Variants in CACNA1D observed in about 807,000 individuals in gnomAD.
CACNA1D encodes the protein calcium voltage-gated channel subunit alpha1 D, also known as voltage-dependent L-type calcium channel subunit alpha-1D.
In CACNA1D, 55 loss-of-function variants were observed where a neutral mutation model predicts 257.1. The ratio of observed to expected loss-of-function variants is 0.21; its 90% CI spans 0.17 to 0.27. CACNA1D has a LOEUF of 0.27. Among genes scored for constraint, CACNA1D ranks in the 10% least tolerant of loss-of-function variants. The pLI is 1.00. For missense variants in CACNA1D, 1,876 were observed against 2,784.0 expected, an observed-to-expected ratio of 0.67 and a Z score of 7.34; for synonymous variants, 980 against 1,014.9, an observed-to-expected ratio of 0.97 and a Z score of 0.65.
In CACNA1D at chr3:53,721,539, T is replaced by C. The variant is rs576141593; in HGVS notation, c.1506-775T>C. Among the ~76,000 whole-genome samples the C allele has an allele frequency of 2.0e-5, 3 of 152,296 alleles. No individual in the cohort carries two copies. The East Asian group carries it at 5.8e-4, about 29-fold the overall frequency. ...GAAGGTTTTCTAGAAGGAGACAGGCTAAGGGAGAGAATATTTTCTCTAATC... is the reference window on the plus strand; with the variant it reads ...GAAGGTTTTCTAGAAGGAGACAGGCCAAGGGAGAGAATATTTTCTCTAATC... On this transcript the variant is annotated intron_variant, in intron 11 of 47. Coordinates refer to ENST00000350061, the MANE Select transcript of CACNA1D (RefSeq NM_001128840.3).
chr3:53,762,109 C>T (rs1345396177), intron 30 of CACNA1D, 28 bp downstream of exon 30: 2 of 1,386,344 alleles, frequency 1.4e-6, no homozygotes, highest in Non-Finnish European at 2.1e-6. Context: ...GTGGCCGCCA[C>T]CTGTGTCCTC....
chr3:53,643,151 G>A (rs545465256), intron 3 of CACNA1D, among the ~76,000 whole-genome samples: 2 of 152,294 alleles, frequency 1.3e-5, no homozygotes, highest in African/African-American at 2.4e-5. Flanking sequence ...CTTTTAAACC[G>A]AAGGTGAAGA....
At chr3:53,768,167 A>G (rs2095345599) in intron 30 of CACNA1D, among the ~76,000 whole-genome samples, 2 of 152,236 alleles carry the variant, frequency 1.3e-5, no homozygotes, top group African/African-American at 4.8e-5. Context: ...TTGAAGCAGA[A>G]TAGGGAGAGG....
chr3:53,620,807 G>A (rs2108033900), intron 3 of CACNA1D, among the ~76,000 whole-genome samples: 1 of 152,326 alleles, frequency 6.6e-6, no homozygotes, highest in Non-Finnish European at 1.5e-5. Flanking sequence ...CTATTTTGGG[G>A]TGACTTATGA....
chr3:53,752,140 A>C (rs987828651), intron 28 of CACNA1D, among the ~76,000 whole-genome samples: 1 of 152,226 alleles, frequency 6.6e-6, no homozygotes, highest in Non-Finnish European at 1.5e-5. Flanking sequence ...TAACATTTCC[A>C]TGGAGCCTGG....
intron 3 of CACNA1D, among the ~76,000 whole-genome samples, chr3:53,626,454 G>GGGCAAGA (rs886129172): frequency 4.6e-5 from 7 of 152,208 alleles, no homozygotes; most frequent in African/African-American, 1.4e-4. Context: ...AGGGCAAGAG[G>GGGCAAGA]GGAGAGAGGG....
intron 9 of CACNA1D, among the ~76,000 whole-genome samples, chr3:53,716,630 C>A (rs1264381334): frequency 6.7e-6 from 1 of 149,886 alleles, no homozygotes; most frequent in Non-Finnish European, 1.5e-5. Flanking sequence ...AAAAGTAAAT[C>A]AAGGTTTGTA....
chr3:53,792,282 CT>C, intron 40 of CACNA1D: 1 of 152,336 alleles, frequency 6.6e-6, no homozygotes, highest in Admixed American at 6.5e-5. Flanking sequence ...ATAAGGGTGT[CT>C]GATCTTGAAT....
At chr3:53,576,237 AT>A (rs1559865442) in intron 3 of CACNA1D, among the ~76,000 whole-genome samples, 2 of 152,198 alleles carry the variant, frequency 1.3e-5, no homozygotes, top group Non-Finnish European at 2.9e-5. Flanking sequence ...TGCCTCTGAC[AT>A]TTGTTATATT....
chr3:53,532,820 C>G (rs946563795), intron 3 of CACNA1D, among the ~76,000 whole-genome samples: 2 of 152,188 alleles, frequency 1.3e-5, no homozygotes, highest in Non-Finnish European at 2.9e-5. Context: ...ACCTCAGACT[C>G]CAGCCCCCGC....
At chr3:53,794,237 C>T (rs2095497779) in intron 40 of CACNA1D, among the ~76,000 whole-genome samples, 1 of 152,196 alleles carries the variant, frequency 6.6e-6, no homozygotes, top group Non-Finnish European at 1.5e-5. Context: ...TACCATTCAC[C>T]TAGTGTCCTT....
chr3:53,600,635 A>C (rs1031957359), intron 3 of CACNA1D, among the ~76,000 whole-genome samples: 2 of 152,170 alleles, frequency 1.3e-5, no homozygotes, highest in Non-Finnish European at 2.9e-5. Flanking sequence ...TGCTTATTAT[A>C]ATGTATTTCA....
intron 9 of CACNA1D, chr3:53,710,401 C>A (rs1467118410): frequency 4.4e-6 from 2 of 456,712 alleles, no homozygotes; most frequent in Non-Finnish European, 8.8e-6. Context: ...GAAGGGGTCA[C>A]AGTGGCCGAC....
intron 4 of CACNA1D, 50 bp from the exon 5 acceptor site, chr3:53,660,083 G>C (rs776389118): frequency 6.5e-7 from 1 of 1,549,248 alleles, no homozygotes; most frequent in Non-Finnish European, 8.9e-7. Context: ...CCTGTTTTGC[G>C]TCCCTGGGGT....
intron 45 of CACNA1D, among the ~76,000 whole-genome samples, chr3:53,806,739 C>T (rs1361185643): frequency 6.6e-6 from 1 of 152,234 alleles, no homozygotes; most frequent in Non-Finnish European, 1.5e-5. Context: ...CACAGCCCCA[C>T]TGGGGAGTGT....
chr3:53,621,495 A>G (rs2093696346), intron 3 of CACNA1D, among the ~76,000 whole-genome samples: 2 of 152,230 alleles, frequency 1.3e-5, no homozygotes, highest in Non-Finnish European at 2.9e-5. Context: ...GTGAGGTGAA[A>G]GGAATCAAGG....
At chr3:53,650,981 G>C (rs1202460153) in intron 4 of CACNA1D, 63 bp downstream of exon 4, 1 of 1,396,184 alleles carries the variant, frequency 7.2e-7, no homozygotes, top group Non-Finnish European at 1.0e-6. Context: ...GTTGGGGGGG[G>C]TGGTGGTAAC....
chr3:53,700,957 G>A (rs550676843), intron 8 of CACNA1D, among the ~76,000 whole-genome samples: 6 of 147,578 alleles, frequency 4.1e-5, no homozygotes, highest in South Asian at 2.2e-4. Flanking sequence ...ATCTCAGCCC[G>A]CCGCAACCTC....
At chr3:53,643,092 C>T (rs923555836) in intron 3 of CACNA1D, among the ~76,000 whole-genome samples, 3 of 152,074 alleles carry the variant, frequency 2.0e-5, no homozygotes, top group African/African-American at 4.8e-5. Context: ...ACACAGCTGT[C>T]GAGACTAGCA....
Sources: allele counts gnomAD v4.1 joint callset (sites outside exome capture counted in the v4.1 genomes callset), GRCh38; gene constraint gnomAD v4.1.1; transcripts MANE v1.5; gene names NCBI Gene and HGNC (gene_info 2026-07-23, HGNC 2026-07-21).